TBC1D14: variants seen among roughly 807,000 people sequenced by gnomAD.
The protein encoded by TBC1D14 is TBC1 domain family member 14.
In TBC1D14, 26 loss-of-function variants were observed where a neutral mutation model predicts 79.0. The ratio of observed to expected loss-of-function variants is 0.33; its 90% CI spans 0.24 to 0.46. The LOEUF is 0.46. Among genes scored for constraint, TBC1D14 ranks in the 20% least tolerant of loss-of-function variants. TBC1D14 has a pLI of 1.00. For synonymous variants in TBC1D14, 394 were observed against 349.9 expected (o/e 1.13, Z -1.40); for missense variants, 769 against 887.6 (o/e 0.87, Z 1.70).
At chr4:7,002,472 A>G (rs919281532) in intron 7 of TBC1D14, among the ~76,000 whole-genome samples, 1 of 152,150 alleles carries the variant, frequency 6.6e-6, no homozygotes, top group Non-Finnish European at 1.5e-5. Flanking sequence ...TATGGACCGT[A>G]TTGTTTTGGA....
chr4:7,003,783 C>T (rs115021446), intron 7 of TBC1D14, among the ~76,000 whole-genome samples: 3,887 of 151,782 alleles, frequency 0.026, 80 homozygotes, highest in Non-Finnish European at 0.035. Flanking sequence ...GGGGGAATCA[C>T]CTGAGGTCAG....
At chr4:6,987,208 C>G in intron 3 of TBC1D14, 1 of 1,232,364 alleles carries the variant, frequency 8.1e-7, no homozygotes, top group Admixed American at 4.3e-5. Context: ...AGCGGCCTGC[C>G]GCCCCGCCCC....
chr4:6,919,300 C>T (rs1723648907), intron 1 of TBC1D14, among the ~76,000 whole-genome samples: 1 of 152,084 alleles, frequency 6.6e-6, no homozygotes, highest in African/African-American at 2.4e-5. Context: ...GCATGCACCA[C>T]CATGCCCGGC....
chr4:6,910,891 C>T (rs190984098), intron 1 of TBC1D14, among the ~76,000 whole-genome samples: 122 of 152,280 alleles, frequency 8.0e-4, no homozygotes, highest in African/African-American at 1.7e-3. Context: ...TGGGCATCAC[C>T]TTGGTTATTT....
At chr4:6,949,274 C>T (rs575796975) in intron 2 of TBC1D14, among the ~76,000 whole-genome samples, 3 of 151,960 alleles carry the variant, frequency 2.0e-5, no homozygotes, top group African/African-American at 7.2e-5. Context: ...TAGTCTTGGT[C>T]TTTTTCATTT....
At chr4:7,006,768 A>C in intron 9 of TBC1D14, 42 bp downstream of exon 9, 1 of 1,576,646 alleles carries the variant, frequency 6.3e-7, no homozygotes, top group African/African-American at 1.3e-5. Context: ...TGTTTTGTCT[A>C]AAATTCATAG....
chr4:6,987,135 C>T, intron 3 of TBC1D14: 5 of 1,132,418 alleles, frequency 4.4e-6, no homozygotes, highest in Non-Finnish European at 5.4e-6. Context: ...TTGGGAGTCT[C>T]CAGCCAGGCC....
chr4:6,921,831 A>C lies in TBC1D14; in HGVS notation c.-17-1542A>C, dbSNP rs906698061. On this transcript the variant is annotated intron_variant, in intron 1 of 13. Transcript: ENST00000409757. ...CCTGCCTCAGCTTCCCTAGTAGCTG[A>C]GATTACAGGCGCACACCACCACGCC... Among the ~76,000 whole-genome samples, 150 of 151,188 alleles carry C rather than the reference A, an allele frequency of 9.9e-4. 1 individual carries two copies. In the Middle Eastern group the frequency reaches 0.017, roughly 17 times the overall value.
At chr4:6,962,321 G>A (rs6812771) in intron 2 of TBC1D14, among the ~76,000 whole-genome samples, 15,474 of 152,106 alleles carry the variant, frequency 0.1, 1,335 homozygotes, top group African/African-American at 0.23. Context: ...CCGCTGCGAC[G>A]GTGCGGGTGG....
intron 9 of TBC1D14, chr4:7,007,744 C>T: frequency 1.9e-6 from 1 of 523,762 alleles, no homozygotes; most frequent in East Asian, 7.0e-5. Flanking sequence ...TGCCCTTTTG[C>T]CCCAGTTCGT....
chr4:6,924,832 C>T (rs1560248088), intron 2 of TBC1D14, among the ~76,000 whole-genome samples: 1 of 152,128 alleles, frequency 6.6e-6, no homozygotes, highest in Non-Finnish European at 1.5e-5. Flanking sequence ...CTAGGCTGGT[C>T]ATGTGGGGTA....
At chr4:7,002,742 T>C (rs1719798105) in intron 7 of TBC1D14, among the ~76,000 whole-genome samples, 1 of 152,242 alleles carries the variant, frequency 6.6e-6, no homozygotes, top group South Asian at 2.1e-4. Context: ...GAATGAATGC[T>C]GCCTTACTGG....
intron 2 of TBC1D14, among the ~76,000 whole-genome samples, chr4:6,937,608 C>A (rs78119832): frequency 1.3e-3 from 196 of 152,308 alleles, no homozygotes; most frequent in African/African-American, 4.5e-3. Context: ...AGCAAGGGCC[C>A]TGCCAGGTGA....
chr4:6,928,346 G>C (rs1008606631), intron 2 of TBC1D14, among the ~76,000 whole-genome samples: 1 of 152,184 alleles, frequency 6.6e-6, no homozygotes, highest in Non-Finnish European at 1.5e-5. Context: ...CCTGTGTCTG[G>C]TTCACCCTGG....
At chr4:6,955,563 G>T (rs1272394731) in intron 2 of TBC1D14, among the ~76,000 whole-genome samples, 1 of 152,212 alleles carries the variant, frequency 6.6e-6, no homozygotes, top group African/African-American at 2.4e-5. Flanking sequence ...GGAGCCGAGT[G>T]CTGCATTGCT....
At chr4:6,973,728 A>AGAGC (rs1411319651) in intron 3 of TBC1D14, among the ~76,000 whole-genome samples, 5 of 152,082 alleles carry the variant, frequency 3.3e-5, no homozygotes, top group African/African-American at 1.2e-4. Flanking sequence ...ATGTGGACAG[A>AGAGC]GAGCACCAGG....
intron 3 of TBC1D14, among the ~76,000 whole-genome samples, chr4:6,975,876 T>A (rs546716461): frequency 9.9e-5 from 15 of 152,274 alleles, no homozygotes; most frequent in African/African-American, 3.1e-4. Flanking sequence ...GTGGATCACC[T>A]GAGCTCAGGA....
chr4:6,998,598 G>A (rs1379791779), intron 5 of TBC1D14, among the ~76,000 whole-genome samples: 6 of 151,816 alleles, frequency 4.0e-5, no homozygotes, highest in Non-Finnish European at 5.9e-5. Flanking sequence ...AAGTGCAGTG[G>A]TGCTATCTCG....
At chr4:6,918,286 G>A (rs998718914) in intron 1 of TBC1D14, among the ~76,000 whole-genome samples, 15 of 152,336 alleles carry the variant, frequency 9.8e-5, no homozygotes, top group South Asian at 4.1e-4. Flanking sequence ...AATTCCAGGC[G>A]TGAGTGATGC....
Sources: allele counts gnomAD v4.1 joint callset (sites outside exome capture counted in the v4.1 genomes callset), GRCh38; gene constraint gnomAD v4.1.1; transcripts MANE v1.5; gene names NCBI Gene and HGNC (gene_info 2026-07-23, HGNC 2026-07-21).